PTPRT: variants seen among roughly 807,000 people sequenced by gnomAD.
PTPRT encodes receptor-type tyrosine-protein phosphatase T.
PTPRT carries 56 observed loss-of-function variants against 176.8 expected under a neutral mutation model. That is an observed-to-expected ratio of 0.32 (90% CI 0.26 to 0.40). The LOEUF (loss-of-function observed/expected upper bound fraction) is 0.40. PTPRT is among the 10% of genes least tolerant of loss of function. The pLI, the probability that PTPRT is intolerant of heterozygous loss-of-function variation, is 1.00. For missense variants in PTPRT, 1,540 were observed against 1,908.2 expected, an observed-to-expected ratio of 0.81 and a Z score of 3.60; for synonymous variants, 783 against 739.0, an observed-to-expected ratio of 1.06 and a Z score of -0.96.
intron 15 of PTPRT, among the ~76,000 whole-genome samples, chr20:42,222,017 T>A (rs1369434836): frequency 1.3e-5 from 2 of 152,156 alleles, no homozygotes; most frequent in African/African-American, 4.8e-5. Context: ...TCTTTTCTAT[T>A]GTAATTTAGA....
chr20:43,103,007 G>A (rs181267008), intron 1 of PTPRT, among the ~76,000 whole-genome samples: 15 of 152,176 alleles, frequency 9.9e-5, no homozygotes, highest in Admixed American at 9.2e-4. Context: ...AAAGAGATGA[G>A]ATTAAGTAGG....
chr20:42,820,689 AAAG>A (rs564437665), intron 2 of PTPRT, among the ~76,000 whole-genome samples: 1 of 152,140 alleles, frequency 6.6e-6, no homozygotes, highest in South Asian at 2.1e-4. Flanking sequence ...AGAAGAGGAG[AAAG>A]AAGAATCAAA....
At chr20:42,610,667 G>A (rs1198469376) in intron 7 of PTPRT, among the ~76,000 whole-genome samples, 1 of 152,080 alleles carries the variant, frequency 6.6e-6, no homozygotes, top group Non-Finnish European at 1.5e-5. Flanking sequence ...TTCTGTTGTT[G>A]TTGTGGGGGA....
chr20:42,227,483 T>C (rs1386201973), intron 15 of PTPRT, among the ~76,000 whole-genome samples: 1 of 151,944 alleles, frequency 6.6e-6, no homozygotes, highest in Non-Finnish European at 1.5e-5. Flanking sequence ...CCGATTGGGG[T>C]CATTAGTTTG....
intron 1 of PTPRT, among the ~76,000 whole-genome samples, chr20:42,991,262 T>G (rs1202452193): frequency 6.6e-6 from 1 of 152,104 alleles, no homozygotes; most frequent in Non-Finnish European, 1.5e-5. Context: ...CCACCTCCAG[T>G]CTTGTTCTGA....
chr20:42,473,764 C>T (rs1176496401), intron 7 of PTPRT, among the ~76,000 whole-genome samples: 1 of 152,198 alleles, frequency 6.6e-6, no homozygotes, highest in Admixed American at 6.5e-5. Flanking sequence ...CACCATCCAC[C>T]ATGCCTGGCT....
intron 1 of PTPRT, among the ~76,000 whole-genome samples, chr20:43,043,395 A>C (rs1453584373): frequency 6.6e-6 from 1 of 152,226 alleles, no homozygotes; most frequent in African/African-American, 2.4e-5. Flanking sequence ...CAAGAAGGAA[A>C]GAAAAAAAAA....
intron 13 of PTPRT, among the ~76,000 whole-genome samples, chr20:42,262,644 G>GCTC (rs766237636): frequency 1.3e-5 from 2 of 152,296 alleles, no homozygotes; most frequent in East Asian, 3.9e-4. Context: ...TGGGGATGGG[G>GCTC]GTGAGTATAC....
intron 1 of PTPRT, among the ~76,000 whole-genome samples, chr20:43,003,641 A>G (rs2146135088): frequency 6.6e-6 from 1 of 152,336 alleles, no homozygotes; most frequent in South Asian, 2.1e-4. Context: ...ATTTTTAAAA[A>G]CTTTTAAGAA....
At chr20:42,629,748 G>A (rs780431079) in intron 7 of PTPRT, among the ~76,000 whole-genome samples, 3 of 152,170 alleles carry the variant, frequency 2.0e-5, no homozygotes, top group Non-Finnish European at 4.4e-5. Context: ...AAAGAACAGG[G>A]AGAAGATCAA....
intron 11 of PTPRT, among the ~76,000 whole-genome samples, chr20:42,337,522 C>T (rs549079402): frequency 6.6e-6 from 1 of 152,216 alleles, no homozygotes; most frequent in East Asian, 1.9e-4. Context: ...AGGTTCTGAT[C>T]TAGAGGAGGA....
chr20:42,612,435 C>T (rs1317833144), intron 7 of PTPRT, among the ~76,000 whole-genome samples: 2 of 152,172 alleles, frequency 1.3e-5, no homozygotes, highest in African/African-American at 2.4e-5. Context: ...GCCCAGGCAG[C>T]AGCTGAGACT....
chr20:42,033,162 A>G, the PTPRT span, among the ~76,000 whole-genome samples: 1 of 152,144 alleles, frequency 6.6e-6, no homozygotes, highest in Non-Finnish European at 1.5e-5. Context: ...TTCCATATGG[A>G]ATCACTCTGC....
rs573210812 is a variant in PTPRT, at chr20:42,849,650, C to T, written c.214+36157G>A. ...GAACCCAGCTCCATTATTATTACAT[C>T]ATCTTGGGGAAAAGTCACTTAGACT... On this transcript the variant is annotated intron_variant, in intron 2 of 30. Transcript: ENST00000373187. 9.8e-5 allele frequency among the ~76,000 whole-genome samples: 15 copies of T among 152,292 alleles called. No homozygotes were observed. The South Asian group carries it at 2.9e-3, about 29-fold the overall frequency.
intron 1 of PTPRT, among the ~76,000 whole-genome samples, chr20:43,135,565 T>C (rs951146593): frequency 6.6e-6 from 1 of 152,144 alleles, no homozygotes; most frequent in Non-Finnish European, 1.5e-5. Flanking sequence ...CATGTGAACA[T>C]TTACCTCCTA....
intron 7 of PTPRT, among the ~76,000 whole-genome samples, chr20:42,601,950 G>A (rs2073790612): frequency 6.6e-6 from 1 of 152,094 alleles, no homozygotes; most frequent in Non-Finnish European, 1.5e-5. Flanking sequence ...CAGGTGCCCT[G>A]GGTGTGAATA....
At chr20:42,953,393 G>A (rs559402717) in intron 1 of PTPRT, among the ~76,000 whole-genome samples, 2 of 152,306 alleles carry the variant, frequency 1.3e-5, no homozygotes, top group East Asian at 3.9e-4. Flanking sequence ...GCTGGGATTC[G>A]AAAGCAGATC....
intron 5 of PTPRT, 31 bp downstream of exon 5, chr20:42,771,404 G>A (rs200380740): frequency 6.2e-5 from 96 of 1,554,694 alleles, no homozygotes; most frequent in Admixed American, 1.7e-5. Flanking sequence ...TCATCCTAAC[G>A]AGTCTGAGCA....
chr20:42,191,350 A>G (rs1436499361), intron 16 of PTPRT, among the ~76,000 whole-genome samples: 1 of 152,286 alleles, frequency 6.6e-6, no homozygotes, highest in East Asian at 1.9e-4. Context: ...CACGTGATGA[A>G]TATTTAGAGG....
Sources: allele counts gnomAD v4.1 joint callset (sites outside exome capture counted in the v4.1 genomes callset), GRCh38; gene constraint gnomAD v4.1.1; transcripts MANE v1.5; gene names NCBI Gene and HGNC (gene_info 2026-07-23, HGNC 2026-07-21).